MEGF8: variants seen among roughly 807,000 people sequenced by gnomAD.
The protein encoded by MEGF8 is multiple epidermal growth factor-like domains protein 8.
A neutral mutation model predicts 302.9 loss-of-function variants in MEGF8; 156 were observed. That is an observed-to-expected ratio of 0.52 (90% confidence interval 0.45 to 0.59). The LOEUF (loss-of-function observed/expected upper bound fraction) is 0.59. MEGF8 is among the 20% of genes least tolerant of loss of function. The pLI is 0.00. For missense variants in MEGF8, 3,345 were observed against 3,964.5 expected (o/e 0.84, Z 4.20); for synonymous variants, 1,621 against 1,660.5 (o/e 0.98, Z 0.58).
At chr19:42,335,904 CCT>C in intron 5 of MEGF8, 25 bp from the exon 6 acceptor site, 2 of 1,449,462 alleles carry the variant, frequency 1.4e-6, no homozygotes, top group Non-Finnish European at 1.8e-6. Context: ...TGTGTCTCTA[CCT>C]CTGTCTCTTT....
chr19:42,365,830 T>A (rs938015453), intron 35 of MEGF8, among the ~76,000 whole-genome samples: 3 of 143,358 alleles, frequency 2.1e-5, no homozygotes, highest in Non-Finnish European at 3.0e-5. Context: ...ACACCTGTAA[T>A]CCCAGCACTT....
At chr19:42,367,048 CCT>C (rs2039616170) in intron 35 of MEGF8, among the ~76,000 whole-genome samples, 1 of 152,152 alleles carries the variant, frequency 6.6e-6, no homozygotes, top group Non-Finnish European at 1.5e-5. Flanking sequence ...CCCAAATTAA[CCT>C]CTTTCCTCTT....
At chr19:42,327,503 C>G (rs546931532) in intron 1 of MEGF8, among the ~76,000 whole-genome samples, 2 of 152,212 alleles carry the variant, frequency 1.3e-5, no homozygotes, top group South Asian at 4.1e-4. Flanking sequence ...AGGAATCTGT[C>G]AGGAGTGGGA....
At chr19:42,340,186 G>A (rs1446513443) in intron 8 of MEGF8, among the ~76,000 whole-genome samples, 2 of 152,202 alleles carry the variant, frequency 1.3e-5, no homozygotes, top group African/African-American at 4.8e-5. Flanking sequence ...CTTCAAGAAT[G>A]ATGCCCAGTG....
intron 1 of MEGF8, 57 bp downstream of exon 1, chr19:42,326,487 A>G: frequency 1.4e-6 from 2 of 1,474,214 alleles, no homozygotes; most frequent in Middle Eastern, 1.7e-4. Context: ...TCATGTGTGC[A>G]TTCATCCACT....
In MEGF8 at chr19:42,376,328, C is replaced by T. The variant is rs1024506535; in HGVS notation, c.8091C>T (p.Phe2697=). 10 of 1,613,608 alleles carry T rather than the reference C, an allele frequency of 6.2e-6. No individual in the cohort carries two copies. Among genetic ancestry groups the T allele is most frequent in the South Asian group, 1.1e-5 (1 of 91,090 alleles). The part of the protein sequence containing the change: ...QEMTKMASRP[F]AKVTVCFPPD... ...TGACCAAGATGGCCAGCCGCCCCTTCGCCAAGGTCACCGTCTGCTTCCCAC... is the reference window on the plus strand; with the variant it reads ...TGACCAAGATGGCCAGCCGCCCCTTTGCCAAGGTCACCGTCTGCTTCCCAC... The change falls in exon 42 of 42, where the codon TTC becomes TTT. Residue 2697 remains phenylalanine, a synonymous_variant. Coordinates refer to ENST00000251268, the MANE Select transcript of MEGF8 (RefSeq NM_001271938.2). This position sits in a 1 kb window ranked among gnomAD's most constrained non-coding sequence, Gnocchi z 8.2.
chr19:42,354,521 C>G lies in MEGF8; in HGVS notation c.4012-67C>G. The stretch of plus-strand genomic sequence containing the variant: ...TGCCCTCCCCTCTTGAACCCCTCCT[C>G]CTCCCAGACCCCAGGTGTCGTTCTC... On this transcript the variant is annotated intron_variant, in intron 22 of 41. Transcript: ENST00000251268. The surrounding 1 kb of genome is among the most constrained non-coding windows in gnomAD (Gnocchi z 4.3). 9 of 1,542,540 alleles carry G rather than the reference C, an allele frequency of 5.8e-6. No individual in the cohort carries two copies. The highest frequency in any genetic ancestry group is 7.9e-6 in the Non-Finnish European group (9 of 1,138,262).
At position 42,353,617 on chromosome 19, in the gene MEGF8, G is replaced by C; in HGVS notation, c.3703G>C (p.Asp1235His). The change falls in exon 21 of 42, where the codon GAC becomes CAC. Residue 1235 changes from aspartate (D) to histidine (H), a missense_variant. Coordinates refer to ENST00000251268, the MANE Select transcript of MEGF8 (RefSeq NM_001271938.2). The surrounding 1 kb of genome is among the most constrained non-coding windows in gnomAD (Gnocchi z 6.1). ...CCTCAGTGGGCTCTGCTTCTGCCAG[G>C]ACCACACCGAGGGTGCCCACTGCCA... ...DNLSGLCFCQ[D>H]HTEGAHCQLC... 6.3e-7 allele frequency: 1 copy of C among 1,586,712 alleles called. No individual in the cohort carries two copies. Among genetic ancestry groups the C allele is most frequent in the East Asian group, 2.3e-5 (1 of 43,542 alleles).
rs755312971 is a variant in MEGF8, at chr19:42,353,884, G to T, written c.3871G>T (p.Gly1291Trp). 1.3e-6 allele frequency: 2 copies of T among 1,597,408 alleles called. No individual in the cohort carries two copies. Among genetic ancestry groups the T allele is most frequent in the Admixed American group, 1.7e-5 (1 of 57,196 alleles). Residue 1291 changes from glycine to tryptophan, a missense_variant, in exon 22 of 42, where the codon GGG (glycine) becomes TGG (tryptophan). Physicochemically the swap from Gly to Trp is radical, Grantham distance 184. Coordinates refer to ENST00000251268, the MANE Select transcript of MEGF8 (RefSeq NM_001271938.2). The surrounding 1 kb of genome is among the most constrained non-coding windows in gnomAD (Gnocchi z 6.1). ...CGGGGGGCTGCTGCCTCCAGGTGGC[G>T]GGGCTGCAAGAGCCGGGCCTGGCCT... Reference protein sequence around the residue: ...RVGGLLPPGGGAARAGPGLSY... With the variant: ...RVGGLLPPGGWAARAGPGLSY...
intron 1 of MEGF8, among the ~76,000 whole-genome samples, chr19:42,331,813 A>G (rs1007411679): frequency 2.7e-5 from 4 of 149,846 alleles, no homozygotes; most frequent in Non-Finnish European, 5.9e-5. Flanking sequence ...CAAGCGATCC[A>G]CCCACCTTGG....
At position 42,344,986 on chromosome 19, in the gene MEGF8, T is replaced by C. The variant is rs375817374; in HGVS notation, c.2097+153T>C. ...CCTTATGGACTTTATTTTTTATTTT[T>C]TTTGAGAGGGAGTCTTGCTCTGTCA... On this transcript the variant is annotated intron_variant, in intron 12 of 41. Transcript: ENST00000251268. The surrounding 1 kb of genome is among the most constrained non-coding windows in gnomAD (Gnocchi z 4.5). Among the ~76,000 whole-genome samples, 1 of 152,216 alleles carries C rather than the reference T, an allele frequency of 6.6e-6. No individual in the cohort carries two copies. Among genetic ancestry groups the C allele is most frequent in the South Asian group, 2.1e-4 (1 of 4,834 alleles).
In MEGF8 at chr19:42,349,607, G is replaced by A. The variant is rs1200311796; in HGVS notation, c.2407G>A (p.Val803Ile). 1 of 1,612,108 alleles carries A rather than the reference G, an allele frequency of 6.2e-7. No homozygotes were observed. The highest frequency in any genetic ancestry group is 1.7e-5 in the Admixed American group (1 of 60,020). ...GCCTGGGCGGGACCACAAGTATGCA[G>A]TAGAGATCCAGGGCCAGCTCAATGG... ...PLPGRDHKYAVEIQGQLNGSA... is the reference protein window; with the variant it reads ...PLPGRDHKYAIEIQGQLNGSA... The change falls in exon 14 of 42, where the codon GTA becomes ATA. Residue 803 changes from valine (V) to isoleucine (I), a missense_variant. Coordinates refer to ENST00000251268, the MANE Select transcript of MEGF8 (RefSeq NM_001271938.2).
chr19:42,348,272 G>A lies in MEGF8; in HGVS notation c.2098G>A (p.Val700Ile), dbSNP rs1476990555. The stretch of plus-strand genomic sequence containing the variant: ...CATACACCCATCCCTGGTGGCACAG[G>A]TCTCAATTGTCCGCAGCACGACCAT... ...QPPNTSQPDK[V>I]SIVRSTTITL... Residue 700 changes from valine (V) to isoleucine (I), a missense_variant and splice_region_variant, in exon 13 of 42, where the codon GTC becomes ATC. Transcript: ENST00000251268. 3.9e-6 allele frequency: 6 copies of A among 1,536,784 alleles called. No individual in the cohort carries two copies. The highest frequency in any genetic ancestry group is 4.4e-6 in the Non-Finnish European group (5 of 1,146,502).
chr19:42,343,593 A>G lies in MEGF8; in HGVS notation c.1630A>G (p.Lys544Glu). Reference sequence around the variant, plus strand: ...GCCCCGTGGGGACTTGATGGCGTACAAGGTGCCCCCCTTTGTGTTCCAGGC... The same window carrying G: ...GCCCCGTGGGGACTTGATGGCGTACGAGGTGCCCCCCTTTGTGTTCCAGGC... ...GRPRGDLMAY[K>E]VPPFVFQAPA... The change falls in exon 9 of 42, where the codon AAG (lysine) becomes GAG (glutamate). Residue 544 changes from lysine (K) to glutamate (E), a missense_variant. Transcript: ENST00000251268. The G allele has an allele frequency of 1.9e-6, 3 of 1,612,330 alleles. No homozygotes were observed. Among genetic ancestry groups the G allele is most frequent in the Non-Finnish European group, 2.5e-6 (3 of 1,179,224 alleles).
At chr19:42,334,260 G>A (rs779935218) in intron 3 of MEGF8, 47 bp downstream of exon 3, 2 of 1,510,398 alleles carry the variant, frequency 1.3e-6, no homozygotes, top group Non-Finnish European at 1.8e-6. Context: ...TGATCTGTGA[G>A]CGCAGCCTCC....
chr19:42,370,723 G>A lies in MEGF8; in HGVS notation c.7028G>A (p.Gly2343Asp). The A allele has an allele frequency of 6.3e-7, 1 of 1,592,870 alleles. No homozygotes were observed. Among genetic ancestry groups the A allele is most frequent in the Non-Finnish European group, 8.5e-7 (1 of 1,169,796 alleles). ...PEEIENWVTE[G>D]PSEDEAVCVN... ...CAGATTGAAAACTGGGTGACAGAGG[G>A]TCCTAGTGAAGACGAGGCCGTGTGC... Residue 2343 changes from glycine to aspartate, a missense_variant, in exon 40 of 42, where the codon GGT becomes GAT. By Grantham distance (94) the Gly-to-Asp change is moderately conservative (BLOSUM62 -1). Transcript: ENST00000251268.
rs776947386 is a variant in MEGF8 at position 42,356,915 on chromosome 19, C to T, written c.4764C>T (p.Thr1588=). The change falls in exon 27 of 42, where the codon ACC becomes ACT. Residue 1588 remains threonine (T), a synonymous_variant. Transcript: ENST00000251268. The surrounding 1 kb of genome is among the most constrained non-coding windows in gnomAD (Gnocchi z 5.2). ...RGAMYLLGGL[T]AGGVTRDFWV... ...CCATGTATCTGCTGGGGGGACTTAC[C>T]GCTGGAGGCGTCACCCGTGATTTCT... The T allele has an allele frequency of 3.5e-5, 57 of 1,610,566 alleles. 1 individual carries two copies. The highest frequency in any genetic ancestry group is 3.3e-4 in the Middle Eastern group (2 of 6,054).
chr19:42,351,050 T>G lies in MEGF8; in HGVS notation c.2737-166T>G. On this transcript the variant is annotated intron_variant, in intron 15 of 41. Coordinates refer to ENST00000251268, the MANE Select transcript of MEGF8 (RefSeq NM_001271938.2). The surrounding 1 kb of genome is among the most constrained non-coding windows in gnomAD (Gnocchi z 5.6). ...AGTGGGTGCTGGGCGGGCCGACCCA[T>G]GGGTGTCTGTGGTCGAAGGGAGGGG... is the stretch of plus-strand genomic sequence containing the variant. 1.6e-6 allele frequency: 1 copy of G among 644,102 alleles called. No homozygotes were observed. The highest frequency in any genetic ancestry group is 2.7e-6 in the Non-Finnish European group (1 of 368,354). The allele number at this position is 644,102 out of a possible 1,614,324, so 39.9% of individuals were successfully genotyped here.
rs770026911 is a variant in MEGF8, at chr19:42,352,296, C to T, written c.3190C>T (p.Pro1064Ser). The change falls in exon 19 of 42, where the codon CCT becomes TCT. Residue 1064 changes from proline to serine, a missense_variant. Coordinates refer to ENST00000251268, the MANE Select transcript of MEGF8 (RefSeq NM_001271938.2). This position sits in a 1 kb window ranked among gnomAD's most constrained non-coding sequence, Gnocchi z 4.4. Reference protein sequence around the residue: ...GEGLGLPVALPARWAYARCPD... With the variant: ...GEGLGLPVALSARWAYARCPD... ...GGGCCTGGGGCTTCCCGTGGCCCTCCCTGCCCGCTGGGCATACGCCCGCTG... is the reference window on the plus strand; with the variant it reads ...GGGCCTGGGGCTTCCCGTGGCCCTCTCTGCCCGCTGGGCATACGCCCGCTG... 33 of 1,572,838 alleles carry T rather than the reference C, an allele frequency of 2.1e-5. No individual in the cohort carries two copies. Among genetic ancestry groups the T allele is most frequent in the Middle Eastern group, 1.7e-4 (1 of 5,922 alleles).
Sources: gnomAD v4.1 joint callset for allele counts (sites outside exome capture counted in the v4.1 genomes callset) on GRCh38, gnomAD v4.1.1 for gene constraint, Gnocchi (gnomAD v3.1) non-coding constraint, MANE v1.5 for transcripts, NCBI Gene and HGNC (gene_info 2026-07-23, HGNC 2026-07-21) for gene names.